The following ANO2 variants were observed in gnomAD, a reference collection of about 807,000 sequenced individuals.
ANO2 encodes anoctamin 2.
ANO2 carries 101 observed loss-of-function variants against 124.2 expected under a neutral mutation model. The observed-to-expected ratio is 0.81, with a 90% CI of 0.69 to 0.96. The LOEUF (loss-of-function observed/expected upper bound fraction) is 0.96, where lower values mean the gene tolerates loss of function less well. Among genes scored for constraint, ANO2 ranks in the 40% least tolerant of loss-of-function variants. ANO2 has a pLI of 0.00. For missense variants in ANO2, 1,293 were observed against 1,274.5 expected, an observed-to-expected ratio of 1.01 and a Z score of -0.22; for synonymous variants, 486 against 482.5, an observed-to-expected ratio of 1.01 and a Z score of -0.09.
intron 1 of ANO2, among the ~76,000 whole-genome samples, chr12:5,924,910 G>C (rs1390258002): frequency 1.3e-5 from 2 of 152,178 alleles, no homozygotes; most frequent in East Asian, 3.8e-4. Flanking sequence ...AATTGATTGA[G>C]GCCTGTCTCA....
chr12:5,642,485 C>T (rs984374926), intron 15 of ANO2, among the ~76,000 whole-genome samples: 1 of 152,154 alleles, frequency 6.6e-6, no homozygotes, highest in African/African-American at 2.4e-5. Flanking sequence ...TTCAGTCCAC[C>T]TTCAAAATAG....
intron 14 of ANO2, among the ~76,000 whole-genome samples, chr12:5,657,637 A>T (rs1328232458): frequency 2.0e-5 from 3 of 152,128 alleles, no homozygotes; most frequent in Admixed American, 2.0e-4. Flanking sequence ...GGGCTCAGGG[A>T]GGAGGTACAA....
intron 3 of ANO2, chr12:5,856,356 T>C (rs1334374221): frequency 2.0e-5 from 3 of 152,132 alleles, no homozygotes; most frequent in Admixed American, 2.0e-4. Context: ...TGGGTGCAGA[T>C]GTTCTAAGTT....
chr12:5,855,960 A>G (rs1474276638), intron 3 of ANO2, among the ~76,000 whole-genome samples: 1 of 152,230 alleles, frequency 6.6e-6, no homozygotes, highest in Non-Finnish European at 1.5e-5. Flanking sequence ...CAAGTGTGAC[A>G]TCGTTCTGAC....
intron 16 of ANO2, among the ~76,000 whole-genome samples, chr12:5,627,032 T>C (rs1206919323): frequency 2.6e-5 from 4 of 152,212 alleles, no homozygotes; most frequent in Admixed American, 6.5e-5. Flanking sequence ...TCACAGCTCA[T>C]GTCTGGGAAG....
rs1165683292 is a variant in ANO2 at position 5,904,525 on chromosome 12, C to T, written c.534+16515G>A. Among the ~76,000 whole-genome samples, 2 of 152,202 alleles carry T rather than the reference C, an allele frequency of 1.3e-5. No homozygotes were observed. The highest frequency in any genetic ancestry group is 2.4e-5 in the African/African-American group (1 of 41,456). On this transcript the variant is annotated intron_variant, in intron 3 of 24. Coordinates refer to ENST00000682330, the MANE Select transcript of ANO2 (RefSeq NM_001364791.2). This position sits in a 1 kb window ranked among gnomAD's most constrained non-coding sequence, Gnocchi z 4.1. ...TGATGCCTGTAGCACGAATGAGCGG[C>T]GCACACACCTGTGGGTTTATCCCAG... is the stretch of plus-strand genomic sequence containing the variant.
In ANO2 at chr12:5,769,046, A is replaced by C. The variant is rs1951989128; in HGVS notation, c.1056-18076T>G. Among the ~76,000 whole-genome samples the C allele has an allele frequency of 6.6e-6, 1 of 152,200 alleles. No individual in the cohort carries two copies. The highest frequency in any genetic ancestry group is 1.5e-5 in the Non-Finnish European group (1 of 68,040). On this transcript the variant is annotated intron_variant, in intron 10 of 24. Coordinates refer to ENST00000682330, the MANE Select transcript of ANO2 (RefSeq NM_001364791.2). The surrounding 1 kb of genome is among the most constrained non-coding windows in gnomAD (Gnocchi z 4.0). ...AGCTGGGCTTAGCTTATGTCCTGAC[A>C]GCTGGAAACAACACAGCAAATGGGA... is the stretch of plus-strand genomic sequence containing the variant.
chr12:5,652,768 G>A (rs969554207), intron 14 of ANO2, among the ~76,000 whole-genome samples: 11 of 152,028 alleles, frequency 7.2e-5, no homozygotes, highest in African/African-American at 2.7e-4. Flanking sequence ...CATATCAAGG[G>A]TACAGGCTAG....
chr12:5,827,860 C>A, intron 6 of ANO2, 40 bp from the exon 7 acceptor site: 1 of 1,588,006 alleles, frequency 6.3e-7, no homozygotes, highest in Non-Finnish European at 8.6e-7. Context: ...CTCCTAGTTC[C>A]CCCCCGCCCT....
chr12:5,751,328 T>C (rs572398066), intron 10 of ANO2, among the ~76,000 whole-genome samples: 1 of 152,322 alleles, frequency 6.6e-6, no homozygotes, highest in Admixed American at 6.5e-5. Flanking sequence ...ATAAGTGCCA[T>C]AGCACTCAAC....
At chr12:5,736,300 C>T (rs545626567) in intron 13 of ANO2, among the ~76,000 whole-genome samples, 3 of 152,142 alleles carry the variant, frequency 2.0e-5, no homozygotes, top group African/African-American at 7.2e-5. Flanking sequence ...TGTTCTACCC[C>T]TCCTGGGGTG....
chr12:5,945,303 G>A (rs968833915), upstream of ANO2: 2 of 1,111,672 alleles, frequency 1.8e-6, no homozygotes, highest in South Asian at 1.9e-5. Context: ...TCGCGGCTCA[G>A]CTCCGTCCCG....
chr12:5,691,044 A>G (rs1948914592), intron 14 of ANO2, among the ~76,000 whole-genome samples: 1 of 152,118 alleles, frequency 6.6e-6, no homozygotes, highest in African/African-American at 2.4e-5. Context: ...AAATAAGCAA[A>G]TAAGGCCAGG....
chr12:5,938,163 T>C (rs2136323771), intron 1 of ANO2, among the ~76,000 whole-genome samples: 1 of 152,318 alleles, frequency 6.6e-6, no homozygotes, highest in South Asian at 2.1e-4. Context: ...TCCTCCTCTC[T>C]GTGTTCTTCC....
At chr12:5,796,412 A>T (rs944479936) in intron 10 of ANO2, among the ~76,000 whole-genome samples, 1 of 150,018 alleles carries the variant, frequency 6.7e-6, no homozygotes. Context: ...ACACACACAC[A>T]CTCTCATACT....
At chr12:5,838,848 C>A (rs944169029) in intron 4 of ANO2, among the ~76,000 whole-genome samples, 1 of 152,240 alleles carries the variant, frequency 6.6e-6, no homozygotes, top group African/African-American at 2.4e-5. Context: ...TGCCTGTGTG[C>A]TGGCACACAG....
At chr12:5,893,949 T>C (rs145114758) in intron 3 of ANO2, among the ~76,000 whole-genome samples, 224 of 152,356 alleles carry the variant, frequency 1.5e-3, no homozygotes, top group African/African-American at 4.3e-3. Context: ...GCAATAAACA[T>C]ACATGTGCAT....
chr12:5,794,013 G>A (rs1252777589), intron 10 of ANO2, among the ~76,000 whole-genome samples: 1 of 152,154 alleles, frequency 6.6e-6, no homozygotes, highest in Admixed American at 6.5e-5. Context: ...TCTATAAAAT[G>A]GACCAGAATG....
intron 15 of ANO2, among the ~76,000 whole-genome samples, chr12:5,645,146 C>A (rs1189160429): frequency 6.6e-6 from 1 of 151,850 alleles, no homozygotes; most frequent in African/African-American, 2.4e-5. Flanking sequence ...TCCCTCATTA[C>A]CTGTTCTCTT....
Sources: allele counts gnomAD v4.1 joint callset (sites outside exome capture counted in the v4.1 genomes callset), GRCh38; gene constraint gnomAD v4.1.1; non-coding constraint Gnocchi (gnomAD v3.1); transcripts MANE v1.5; gene names NCBI Gene and HGNC (gene_info 2026-07-23, HGNC 2026-07-21).